LRRC69: variants seen among roughly 807,000 people sequenced by gnomAD.
The protein encoded by LRRC69 is leucine-rich repeat-containing protein 69.
A neutral mutation model predicts 37.8 loss-of-function variants in LRRC69; 42 were observed. The ratio of observed to expected loss-of-function variants is 1.11; its 90% CI spans 0.87 to 1.44. LRRC69 has a LOEUF of 1.44. Among genes scored for constraint, LRRC69 ranks in the 40% most tolerant of loss-of-function variants. The probability of loss-of-function intolerance (pLI) is 0.00; values close to 1 mark genes in which losing one functional copy is unlikely to be tolerated. For synonymous variants in LRRC69, 141 were observed against 143.1 expected (o/e 0.99, Z 0.11); for missense variants, 357 against 401.9 (o/e 0.89, Z 0.96).
intron 5 of LRRC69, among the ~76,000 whole-genome samples, chr8:91,155,428 A>T (rs1477592112): frequency 2.0e-5 from 3 of 150,914 alleles, no homozygotes; most frequent in African/African-American, 4.8e-5. Flanking sequence ...ATTGAATCAG[A>T]GTAATTAGCA....
chr8:91,190,659 A>T (rs1809478287), intron 6 of LRRC69, among the ~76,000 whole-genome samples: 1 of 152,176 alleles, frequency 6.6e-6, no homozygotes, highest in South Asian at 2.1e-4. Flanking sequence ...TTTGATGAAT[A>T]CATGGTATTC....
intron 6 of LRRC69, among the ~76,000 whole-genome samples, chr8:91,189,919 T>C (rs1455799945): frequency 2.0e-5 from 3 of 152,186 alleles, no homozygotes; most frequent in Admixed American, 2.0e-4. Context: ...TAAAGATGTA[T>C]TGATTTGTTC....
chr8:91,143,014 G>T (rs1182848718), intron 5 of LRRC69, among the ~76,000 whole-genome samples: 1 of 152,056 alleles, frequency 6.6e-6, no homozygotes, highest in Non-Finnish European at 1.5e-5. Flanking sequence ...CACAAGGAAT[G>T]CCTATATAGT....
intron 7 of LRRC69, chr8:91,206,963 C>A: frequency 4.9e-6 from 3 of 608,420 alleles, no homozygotes; most frequent in Non-Finnish European, 6.9e-6. Flanking sequence ...CTTTTCCAAC[C>A]TAGTTATTCC....
At chr8:91,152,477 C>T (rs945286677) in intron 5 of LRRC69, among the ~76,000 whole-genome samples, 1 of 151,160 alleles carries the variant, frequency 6.6e-6, no homozygotes, top group Admixed American at 6.6e-5. Context: ...ATTCTGTTCC[C>T]TTGGTCTAAG....
intron 1 of LRRC69, among the ~76,000 whole-genome samples, chr8:91,106,043 G>C (rs1175482199): frequency 6.6e-6 from 1 of 152,066 alleles, no homozygotes; most frequent in Non-Finnish European, 1.5e-5. Flanking sequence ...GGTGTATTGT[G>C]ACATTCAGCT....
chr8:91,187,584 T>A (rs1369171957), intron 5 of LRRC69, among the ~76,000 whole-genome samples: 4 of 152,172 alleles, frequency 2.6e-5, no homozygotes, highest in African/African-American at 9.7e-5. Context: ...CCTCAGCACT[T>A]CTGTATAATA....
intron 1 of LRRC69, among the ~76,000 whole-genome samples, chr8:91,113,138 A>G (rs188280657): frequency 1.6e-3 from 239 of 152,148 alleles, no homozygotes; most frequent in Non-Finnish European, 2.6e-3. Context: ...TGTCCATATT[A>G]CTGGAAGTGA....
At chr8:91,195,150 G>C (rs1233912594) in intron 6 of LRRC69, among the ~76,000 whole-genome samples, 1 of 152,106 alleles carries the variant, frequency 6.6e-6, no homozygotes, top group Admixed American at 6.5e-5. Context: ...GTAGTTGAGC[G>C]GTTTTGAGTG....
chr8:91,106,091 T>C (rs1813307098), intron 1 of LRRC69, among the ~76,000 whole-genome samples: 1 of 152,076 alleles, frequency 6.6e-6, no homozygotes, highest in Non-Finnish European at 1.5e-5. Flanking sequence ...TTGTGGGCTT[T>C]ATAACTTGGT....
intron 5 of LRRC69, among the ~76,000 whole-genome samples, chr8:91,177,850 CTTTT>C (rs10645044): frequency 4.8e-4 from 63 of 130,818 alleles, no homozygotes; most frequent in African/African-American, 1.7e-3. Flanking sequence ...TTCTGCTTTT[CTTTT>C]TTTTTTTTTT....
At chr8:91,150,407 A>C (rs1343286099) in intron 5 of LRRC69, among the ~76,000 whole-genome samples, 1 of 152,018 alleles carries the variant, frequency 6.6e-6, no homozygotes, top group Non-Finnish European at 1.5e-5. Flanking sequence ...GCGTATATTG[A>C]ACCAGCCTTG....
At chr8:91,211,612 ATATATT>A (rs1464530327) in intron 7 of LRRC69, among the ~76,000 whole-genome samples, 1 of 135,350 alleles carries the variant, frequency 7.4e-6, no homozygotes. Flanking sequence ...ATATATATAT[ATATATT>A]TTTTTTTTAT....
rs1386563269 is a variant in LRRC69 at position 91,170,593 on chromosome 8, G to A, written c.652-18929G>A. Among the ~76,000 whole-genome samples the A allele has an allele frequency of 2.8e-5, 2 of 72,198 alleles. 1 individual carries two copies. The highest frequency in any genetic ancestry group is 2.2e-4 in the Admixed American group (2 of 9,224). 47.4% of individuals were successfully genotyped at this position (72,198 alleles called of 152,430 possible). On this transcript the variant is annotated intron_variant, in intron 5 of 7. Coordinates refer to ENST00000448384, the Ensembl canonical transcript of LRRC69. ...ACAGAACAGAGCCCTCAGAAATAAC[G>A]CCGCGTATCTACAACTATCTGATCT... is the stretch of plus-strand genomic sequence containing the variant.
intron 7 of LRRC69, among the ~76,000 whole-genome samples, chr8:91,202,943 C>T (rs1283331391): frequency 6.6e-6 from 1 of 152,134 alleles, no homozygotes; most frequent in Non-Finnish European, 1.5e-5. Flanking sequence ...ATTGAAGATG[C>T]ATCTTGGAGA....
At chr8:91,120,049 A>T (rs1277538990) in intron 1 of LRRC69, among the ~76,000 whole-genome samples, 1 of 152,002 alleles carries the variant, frequency 6.6e-6, no homozygotes, top group Non-Finnish European at 1.5e-5. Context: ...GGGGAACTCC[A>T]GCTTCTTCTT....
intron 6 of LRRC69, among the ~76,000 whole-genome samples, chr8:91,194,425 C>A (rs989601678): frequency 1.3e-5 from 2 of 151,874 alleles, no homozygotes; most frequent in Admixed American, 6.6e-5. Context: ...AGGAATGGTA[C>A]CAGTTCCTCC....
At chr8:91,181,739 T>C (rs911349795) in intron 5 of LRRC69, among the ~76,000 whole-genome samples, 15 of 152,098 alleles carry the variant, frequency 9.9e-5, no homozygotes, top group African/African-American at 3.1e-4. Context: ...GAAACATCAA[T>C]AGGAGAAAGA....
intron 1 of LRRC69, among the ~76,000 whole-genome samples, chr8:91,115,620 T>A (rs888362488): frequency 1.2e-4 from 19 of 152,042 alleles, no homozygotes; most frequent in Admixed American, 1.1e-3. Flanking sequence ...TTTAAACTTT[T>A]CCAGTCTAAA....
Sources: allele counts gnomAD v4.1 joint callset (sites outside exome capture counted in the v4.1 genomes callset), GRCh38; gene constraint gnomAD v4.1.1; transcripts MANE v1.5; gene names NCBI Gene and HGNC (gene_info 2026-07-23, HGNC 2026-07-21).